The following PLXNB3 variants were observed in gnomAD, a reference collection of about 807,000 sequenced individuals.
The protein encoded by PLXNB3 is plexin B3.
In PLXNB3, 80 loss-of-function variants were observed where a neutral mutation model predicts 125.7. That is an observed-to-expected ratio of 0.64 (90% CI 0.53 to 0.77). The LOEUF (loss-of-function observed/expected upper bound fraction) is 0.77, where lower values mean the gene tolerates loss of function less well. PLXNB3 is among the 30% of genes least tolerant of loss of function. PLXNB3 has a pLI of 0.00. For synonymous variants in PLXNB3, 954 were observed against 783.3 expected (o/e 1.22, Z -3.64); for missense variants, 1,836 against 1,729.3 (o/e 1.06, Z -1.09).
chrX:153,768,819 C>T lies in PLXNB3; in HGVS notation c.1267-129C>T, dbSNP rs186844023. On this transcript the variant is annotated intron_variant, in intron 4 of 35. Coordinates refer to ENST00000361971, the MANE Select transcript of PLXNB3 (RefSeq NM_005393.3). ...GTGCTGAGTGGGGGAAGTGATGTGT[C>T]CTCCCTCGATGGCCCGGCAGGAAGG... 6 of 763,740 alleles carry T rather than the reference C, an allele frequency of 7.9e-6. No homozygotes were observed. The Admixed American group carries it at 1.4e-4, about 18-fold the overall frequency. The allele number at this position is 763,740 out of a possible 1,213,427, so 62.9% of individuals were successfully genotyped here. A position where few individuals can be genotyped will look rare whatever the true frequency, so the allele number is the denominator to read the frequency against.
rs1265752335 is a variant in PLXNB3 at position 153,768,299 on chromosome X, T to C, written c.1137T>C (p.Ile379=). ...PCGDEHTPSP[I]AGRQPLEVQP... ...GCGACGAGCACACCCCCAGCCCCAT[T>C]GCTGGCCGCCAGCCCCTGGAGGTCC... Residue 379 remains isoleucine, a synonymous_variant, in exon 4 of 36, where the codon ATT becomes ATC. Transcript: ENST00000361971. 5.8e-6 allele frequency: 7 copies of C among 1,206,749 alleles called. No homozygotes were observed. Among genetic ancestry groups the C allele is most frequent in the African/African-American group, 1.7e-5 (1 of 57,586 alleles).
In PLXNB3 at chrX:153,770,984, A is replaced by G. The variant is rs140681169; in HGVS notation, c.2156A>G (p.His719Arg). 782 of 1,209,837 alleles carry G rather than the reference A, an allele frequency of 6.5e-4. 2 individuals carry two copies. The highest frequency in any genetic ancestry group is 4.3e-3 in the South Asian group (244 of 56,899). ...QHFRGLPASF[H>R]CWLELPGELR... Reference sequence around the variant, plus strand: ...CCCCAGGGCCTGCCTGCCTCCTTCCACTGCTGGCTGGAGCTGCCTGGAGAA... The same window carrying G: ...CCCCAGGGCCTGCCTGCCTCCTTCCGCTGCTGGCTGGAGCTGCCTGGAGAA... Residue 719 changes from histidine (H) to arginine (R), a missense_variant, in exon 12 of 36, where the codon CAC becomes CGC. Physicochemically the swap from His to Arg is conservative, Grantham distance 29. Transcript: ENST00000361971.
chrX:153,772,136 C>T (rs2091938099), intron 15 of PLXNB3, 46 bp from the exon 16 acceptor site: 1 of 1,110,516 alleles, frequency 9.0e-7, no homozygotes. Context: ...TGGGCTGTCC[C>T]CTCCGTCCCT....
chrX:153,771,972 C>T lies in PLXNB3; in HGVS notation c.2626C>T (p.Arg876Trp), dbSNP rs148448651. ...DVQYAVSVAS[R>W]PCNPEPSLYR... ...GCAGTACGCCGTGAGCGTGGCCAGC[C>T]GGCCCTGCAACCCTGAGCCCTCTCT... The change falls in exon 15 of 36, where the codon CGG (arginine) becomes TGG (tryptophan). Residue 876 changes from arginine to tryptophan, a missense_variant. Physicochemically the swap from Arg to Trp is moderately radical, Grantham distance 101. Coordinates refer to ENST00000361971, the MANE Select transcript of PLXNB3 (RefSeq NM_005393.3). 29 of 1,206,336 alleles carry T rather than the reference C, an allele frequency of 2.4e-5. No homozygotes were observed. In the African/African-American group the frequency reaches 3.5e-4, roughly 14 times the overall value.
intron 4 of PLXNB3, among the ~76,000 whole-genome samples, chrX:153,768,713 T>C (rs1371967203): frequency 8.9e-6 from 1 of 112,199 alleles, no homozygotes; most frequent in Non-Finnish European, 1.9e-5. Flanking sequence ...GGCAGAACTG[T>C]CCCTGGTACA....
chrX:153,772,473 T>C (rs1277120207), intron 16 of PLXNB3, among the ~76,000 whole-genome samples, 186 bp downstream of exon 16: 1 of 111,993 alleles, frequency 8.9e-6, no homozygotes, highest in Non-Finnish European at 1.9e-5. Flanking sequence ...CACGAAGCTC[T>C]CAGGATCTGT....
In PLXNB3 at chrX:153,768,275, C is replaced by T. The variant is rs782813775; in HGVS notation, c.1113C>T (p.Gly371=). 4.9e-5 allele frequency: 59 copies of T among 1,194,716 alleles called. 1 individual carries two copies. The South Asian group carries it at 5.0e-4, about 10-fold the overall frequency. ...PLDSPESYPC[G]DEHTPSPIAG... Reference sequence around the variant, plus strand: ...ATTCCCCCGAGTCGTACCCCTGTGGCGACGAGCACACCCCCAGCCCCATTG... The same window carrying T: ...ATTCCCCCGAGTCGTACCCCTGTGGTGACGAGCACACCCCCAGCCCCATTG... The change falls in exon 4 of 36, where the codon GGC becomes GGT. Residue 371 remains glycine (G), a synonymous_variant. Coordinates refer to ENST00000361971, the MANE Select transcript of PLXNB3 (RefSeq NM_005393.3).
intron 1 of PLXNB3, among the ~76,000 whole-genome samples, chrX:153,764,656 C>A: frequency 8.8e-6 from 1 of 113,054 alleles, no homozygotes; most frequent in Non-Finnish European, 1.9e-5. Flanking sequence ...CTGGAGCCTA[C>A]TGCTGCCGTG....
chrX:153,776,221 G>C lies in PLXNB3; in HGVS notation c.4729+7G>C. 2 of 1,158,111 alleles carry C rather than the reference G, an allele frequency of 1.7e-6. No individual in the cohort carries two copies. The highest frequency in any genetic ancestry group is 2.3e-6 in the Non-Finnish European group (2 of 864,764). On this transcript the variant is annotated splice_region_variant and intron_variant, in intron 27 of 35. Transcript: ENST00000361971. ...GTGCATGCCCTAGACCTTGGTGAGA[G>C]AGCCAGCCCTGCCCACCCACCCCAG...
chrX:153,774,706 G>GC lies in PLXNB3; in HGVS notation c.3832dup (p.His1278ProfsTer78). ...TGATGAAGCTGGCCCCGGGCTGCAG[G>GC]CACAAGAGCAAGCAGGCCCTGCGGG... On this transcript the variant is annotated frameshift_variant and splice_region_variant, in exon 23 of 36. Coordinates refer to ENST00000361971, the MANE Select transcript of PLXNB3 (RefSeq NM_005393.3). LOFTEE classifies it high-confidence loss of function. 8.6e-7 allele frequency: 1 copy of GC among 1,162,637 alleles called. No individual in the cohort carries two copies.
At position 153,772,955 on chromosome X, in the gene PLXNB3, G is replaced by C; in HGVS notation, c.2845G>C (p.Gly949Arg). The C allele has an allele frequency of 8.3e-7, 1 of 1,198,796 alleles. No homozygotes were observed. Reference sequence around the variant, plus strand: ...AGGGGGCACCCAGCTCACCATCCGAGGTCAGCACCTCCAGACAGGTGGCAA... The same window carrying C: ...AGGGGGCACCCAGCTCACCATCCGACGTCAGCACCTCCAGACAGGTGGCAA... The part of the protein sequence containing the change: ...QAGGTQLTIR[G>R]QHLQTGGNTS... Residue 949 changes from glycine (G) to arginine (R), a missense_variant, in exon 17 of 36, where the codon GGT (glycine) becomes CGT (arginine). Transcript: ENST00000361971.
In PLXNB3 at chrX:153,769,217, T is replaced by A; in HGVS notation, c.1451T>A (p.Leu484His). The A allele has an allele frequency of 8.5e-7, 1 of 1,178,596 alleles. No homozygotes were observed. Among genetic ancestry groups the A allele is most frequent in the Non-Finnish European group, 1.1e-6 (1 of 878,727 alleles). The change falls in exon 6 of 36, where the codon CTC becomes CAC. Residue 484 changes from leucine to histidine, a missense_variant. Coordinates refer to ENST00000361971, the MANE Select transcript of PLXNB3 (RefSeq NM_005393.3). ...CAGTTCCCTGACTGTGCCAGCTGCC[T>A]CCAGGCCCAGGACCCGCTGTGTGGC... Reference protein sequence around the residue: ...CPQFPDCASCLQAQDPLCGWC... With the variant: ...CPQFPDCASCHQAQDPLCGWC...
rs782433295 is a variant in PLXNB3, at chrX:153,772,030, G to A, written c.2669+15G>A. The A allele has an allele frequency of 3.4e-6, 4 of 1,174,109 alleles. No individual in the cohort carries two copies. The African/African-American group carries it at 5.4e-5, about 16-fold the overall frequency. ...ACGTCGGCCCGGTGAGGCACTTGGAGGGTGAAGATGGGTGGGGAGGCCCTC... is the reference window on the plus strand; with the variant it reads ...ACGTCGGCCCGGTGAGGCACTTGGAAGGTGAAGATGGGTGGGGAGGCCCTC... On this transcript the variant is annotated intron_variant, in intron 15 of 35. Transcript: ENST00000361971.
chrX:153,777,219 C>T lies in PLXNB3; in HGVS notation c.4939C>T (p.Leu1647=). ...RCPLGENIPT[L]EDGEEGGVCL... ...TCCTGTGCCCTCAGACATACCCACG[C>T]TGGAGGATGGCGAGGAGGGGGGGGT... The change falls in exon 30 of 36, where the codon CTG becomes TTG. Residue 1647 remains leucine, a synonymous_variant. Coordinates refer to ENST00000361971, the MANE Select transcript of PLXNB3 (RefSeq NM_005393.3). The T allele has an allele frequency of 8.7e-7, 1 of 1,156,054 alleles. No individual in the cohort carries two copies. Among genetic ancestry groups the T allele is most frequent in the Non-Finnish European group, 1.2e-6 (1 of 865,157 alleles).
chrX:153,767,071 C>T lies in PLXNB3; in HGVS notation c.244C>T (p.Gln82Ter). 1 of 1,210,597 alleles carries T rather than the reference C, an allele frequency of 8.3e-7. No homozygotes were observed. Among genetic ancestry groups the T allele is most frequent in the Non-Finnish European group, 1.1e-6 (1 of 895,233 alleles). The change falls in exon 3 of 36, where the codon CAG becomes TAG. Residue 82 changes from glutamine to a stop codon, truncating the protein, a stop_gained. Transcript: ENST00000361971. LOFTEE classifies it high-confidence loss of function. ...NRLFQLSPEL[Q>*]LEAVAVTGPV... ...CCTCTTCCAGCTCAGCCCCGAGCTG[C>T]AGCTCGAGGCCGTGGCTGTCACTGG... is the stretch of plus-strand genomic sequence containing the variant.
At chrX:153,771,278 G>A in intron 12 of PLXNB3, 32 bp from the exon 13 acceptor site, 2 of 1,132,230 alleles carry the variant, frequency 1.8e-6, no homozygotes, top group East Asian at 3.0e-5. Flanking sequence ...CCCTGAGTGG[G>A]CACCCAGCCT....
rs782537275 is a variant in PLXNB3, at chrX:153,776,438, C to A, written c.4812C>A (p.Leu1604=). 46 of 1,097,115 alleles carry A rather than the reference C, an allele frequency of 4.2e-5. No individual in the cohort carries two copies. The highest frequency in any genetic ancestry group is 5.7e-5 in the Non-Finnish European group (46 of 812,647). The allele number at this position is 1,097,115 out of a possible 1,213,427, so 90.4% of individuals were successfully genotyped here. ...TSVTQNHWKR[L]NTLQHYKVPD... Reference sequence around the variant, plus strand: ...TGACCCAAAACCACTGGAAGAGACTCAACACCTTGCAACACTACAAGGTGT... The same window carrying A: ...TGACCCAAAACCACTGGAAGAGACTAAACACCTTGCAACACTACAAGGTGT... Residue 1604 remains leucine (L), a synonymous_variant, in exon 28 of 36, where the codon CTC becomes CTA. Transcript: ENST00000361971.
At position 153,771,360 on chromosome X, in the gene PLXNB3, C is replaced by G. The variant is rs781976267; in HGVS notation, c.2304C>G (p.Thr768=). The change falls in exon 13 of 36, where the codon ACC becomes ACG. Residue 768 remains threonine (T), a synonymous_variant. Transcript: ENST00000361971. ...QRELPVPIYV[T]QGEAQRLDNT... ...AGCTCCCAGTGCCCATCTACGTCAC[C>G]CAGGGTGAAGCCCAGAGGCTGGACA... 8.3e-7 allele frequency: 1 copy of G among 1,209,669 alleles called. No homozygotes were observed. The highest frequency in any genetic ancestry group is 1.1e-6 in the Non-Finnish European group (1 of 894,637).
At position 153,777,532 on chromosome X, in the gene PLXNB3, C is replaced by T. The variant is rs782055888; in HGVS notation, c.5105C>T (p.Thr1702Met). 19 of 1,210,129 alleles carry T rather than the reference C, an allele frequency of 1.6e-5. No individual in the cohort carries two copies. Among genetic ancestry groups the T allele is most frequent in the East Asian group, 3.0e-5 (1 of 33,782 alleles). Residue 1702 changes from threonine (T) to methionine (M), a missense_variant, in exon 31 of 36, where the codon ACG (threonine) becomes ATG (methionine). Thr to Met is a moderately conservative substitution (Grantham distance 81). Transcript: ENST00000361971. ...YLTRLLSMKGTLQKFVDDTFQ... is the reference protein window; with the variant it reads ...YLTRLLSMKGMLQKFVDDTFQ... ...CCCTTATCCCCTGCCTCGCAGGGCA[C>T]GCTGCAGAAGTTTGTGGACGACACC... is the stretch of plus-strand genomic sequence containing the variant.
Sources: gnomAD v4.1 joint callset for allele counts (sites outside exome capture counted in the v4.1 genomes callset) on GRCh38, gnomAD v4.1.1 for gene constraint, MANE v1.5 for transcripts, NCBI Gene and HGNC (gene_info 2026-07-23, HGNC 2026-07-21) for gene names.